ORC3: variants seen among roughly 807,000 people sequenced by gnomAD.
The protein encoded by ORC3 is origin recognition complex subunit 3.
ORC3 carries 78 observed loss-of-function variants against 100.7 expected under a neutral mutation model. The ratio of observed to expected loss-of-function variants is 0.77; its 90% CI spans 0.65 to 0.94. ORC3 has a LOEUF of 0.94. Ranked by LOEUF, ORC3 falls within the 40% of genes least tolerant of loss-of-function variation. The probability of loss-of-function intolerance (pLI) is 0.00; values close to 1 mark genes in which losing one functional copy is unlikely to be tolerated. For missense variants in ORC3, 789 were observed against 823.9 expected, an observed-to-expected ratio of 0.96 and a Z score of 0.52; for synonymous variants, 295 against 289.3, an observed-to-expected ratio of 1.02 and a Z score of -0.20.
At chr6:87,608,907 T>G (rs1181544603) in intron 6 of ORC3, among the ~76,000 whole-genome samples, 189 bp from the exon 7 acceptor site, 1 of 152,198 alleles carries the variant, frequency 6.6e-6, no homozygotes, top group Non-Finnish European at 1.5e-5. Flanking sequence ...CTTTTTCTTC[T>G]TGGTTATTAT....
At chr6:87,634,120 A>C (rs1756192018) in intron 11 of ORC3, among the ~76,000 whole-genome samples, 1 of 152,178 alleles carries the variant, frequency 6.6e-6, no homozygotes, top group African/African-American at 2.4e-5. Flanking sequence ...TGCTGGGATT[A>C]CAGGCGTGAG....
intron 1 of ORC3, among the ~76,000 whole-genome samples, chr6:87,590,650 A>T (rs527643266): frequency 6.6e-6 from 1 of 152,140 alleles, no homozygotes; most frequent in Non-Finnish European, 1.5e-5. Flanking sequence ...GGAAGAACCT[A>T]ATATAGGTTG....
downstream of ORC3, among the ~76,000 whole-genome samples, chr6:87,670,217 G>A (rs1262698266): frequency 6.6e-6 from 1 of 152,072 alleles, no homozygotes; most frequent in Non-Finnish European, 1.5e-5. Flanking sequence ...GTCACCCAGA[G>A]TGCAGTGACA....
Position 87,601,828 on chromosome 6 carries a change from C to A in ORC3, c.124C>A (p.Leu42Ile). The A allele has an allele frequency of 6.2e-7, 1 of 1,611,790 alleles. No homozygotes were observed. The highest frequency in any genetic ancestry group is 8.5e-7 in the Non-Finnish European group (1 of 1,177,886). The change falls in exon 3 of 20, where the codon CTT (leucine) becomes ATT (isoleucine). Residue 42 changes from leucine (L) to isoleucine (I), a missense_variant. Leu to Ile is a conservative substitution (Grantham distance 5). Around this residue, in one of 3 missense-constraint regions of ORC3, gnomAD observed 399 missense variants for 382.0 expected, o/e 1.04. Transcript: ENST00000392844. Reference sequence around the variant, plus strand: ...GAAAAATGAGCCTGAGGACAGTAAGCTTCGATTCGAAACTTATCAGTTGAT... The same window carrying A: ...GAAAAATGAGCCTGAGGACAGTAAGATTCGATTCGAAACTTATCAGTTGAT... Reference protein sequence around the residue: ...KGKNEPEDSKLRFETYQLIWQ... With the variant: ...KGKNEPEDSKIRFETYQLIWQ...
intron 17 of ORC3, among the ~76,000 whole-genome samples, chr6:87,664,074 A>G (rs1047747543): frequency 6.6e-6 from 1 of 152,194 alleles, no homozygotes; most frequent in African/African-American, 2.4e-5. Flanking sequence ...CATAAATTAA[A>G]ACTTACAAAA....
chr6:87,674,902 C>T, the ORC3 span, among the ~76,000 whole-genome samples: 2 of 151,706 alleles, frequency 1.3e-5, no homozygotes, highest in African/African-American at 4.8e-5. Flanking sequence ...CTAACCCCAT[C>T]TGTACATTAA....
intron 4 of ORC3, among the ~76,000 whole-genome samples, chr6:87,604,343 G>A (rs1195803415): frequency 1.3e-5 from 2 of 152,182 alleles, no homozygotes; most frequent in East Asian, 3.8e-4. Flanking sequence ...AATGGGTCTA[G>A]GGTGGGGCCT....
At chr6:87,600,767 A>G (rs1777837672) in intron 2 of ORC3, among the ~76,000 whole-genome samples, 1 of 151,362 alleles carries the variant, frequency 6.6e-6, no homozygotes, top group Non-Finnish European at 1.5e-5. Flanking sequence ...GTCATAATTT[A>G]TGTGTGAGTT....
intron 11 of ORC3, among the ~76,000 whole-genome samples, chr6:87,632,922 C>T (rs1198598817): frequency 6.6e-6 from 1 of 152,158 alleles, no homozygotes; most frequent in Non-Finnish European, 1.5e-5. Context: ...CACAGGGATG[C>T]ACCACACAGT....
At position 87,634,903 on chromosome 6, in the gene ORC3, T is replaced by C; in HGVS notation, c.1244T>C (p.Val415Ala). ...LHVYHMNYFL[V>A]LRCLHKFTSS... is the part of the protein sequence containing the mutation. ...GTTTATCATATGAATTACTTCCTGG[T>C]TTTGAGATGTCTTCATAAGTTCACC... The change falls in exon 12 of 20, where the codon GTT becomes GCT. Residue 415 changes from valine to alanine, a missense_variant. Transcript: ENST00000392844. The C allele has an allele frequency of 6.2e-7, 1 of 1,608,498 alleles. No homozygotes were observed. Among genetic ancestry groups the C allele is most frequent in the Non-Finnish European group, 8.5e-7 (1 of 1,175,018 alleles).
intron 7 of ORC3, 105 bp downstream of exon 7, chr6:87,609,334 A>G (rs1778578909): frequency 2.7e-6 from 2 of 742,444 alleles, no homozygotes; most frequent in African/African-American, 1.8e-5. Flanking sequence ...CTGGATAAAA[A>G]TCAAAGTATT....
At chr6:87,662,944 T>C in intron 16 of ORC3, 59 bp from the exon 17 acceptor site, 1 of 1,160,034 alleles carries the variant, frequency 8.6e-7, no homozygotes, top group Non-Finnish European at 1.2e-6. Flanking sequence ...ATATATATTA[T>C]ATATAAAGAA....
At chr6:87,646,043 G>A (rs1248798542) in intron 13 of ORC3, among the ~76,000 whole-genome samples, 1 of 144,340 alleles carries the variant, frequency 6.9e-6, no homozygotes, top group African/African-American at 2.6e-5. Flanking sequence ...CTGGAGTGCA[G>A]TGGCATGATC....
At chr6:87,603,949 AT>A (rs1778155855) in intron 4 of ORC3, among the ~76,000 whole-genome samples, 2 of 152,258 alleles carry the variant, frequency 1.3e-5, no homozygotes, top group South Asian at 4.1e-4. Context: ...TTTCCTGTGC[AT>A]AGTTTTTCCA....
At chr6:87,644,522 G>A (rs1054803254) in intron 13 of ORC3, among the ~76,000 whole-genome samples, 1 of 152,026 alleles carries the variant, frequency 6.6e-6, no homozygotes, top group Admixed American at 6.5e-5. Flanking sequence ...CCAACATAGT[G>A]AAACCCTGTC....
chr6:87,663,381 C>T (rs1770356744), intron 17 of ORC3, among the ~76,000 whole-genome samples: 1 of 152,146 alleles, frequency 6.6e-6, no homozygotes, highest in Non-Finnish European at 1.5e-5. Context: ...AATCTTTGCC[C>T]TTCACATGCT....
Position 87,594,343 on chromosome 6 carries a change from C to G in ORC3, c.25-10C>G, listed in dbSNP as rs748633742. On this transcript the variant is annotated splice_polypyrimidine_tract_variant and intron_variant, in intron 1 of 19. Coordinates refer to ENST00000392844, the MANE Select transcript of ORC3 (RefSeq NM_012381.4). ...CTTTGACTTTATGCTTTTCGTCTTT[C>G]TTTTTATAGGGTTGCTTTGTTTTTA... The G allele has an allele frequency of 6.4e-7, 1 of 1,569,440 alleles. No individual in the cohort carries two copies. The highest frequency in any genetic ancestry group is 8.7e-7 in the Non-Finnish European group (1 of 1,150,112).
At position 87,658,022 on chromosome 6, in the gene ORC3, A is replaced by G. The variant is rs953552161; in HGVS notation, c.1691+4A>G. ...ACTTCATTGACTGTCTAGTGAGGTA[A>G]GTCTAAATTTAGCTCTTAAGAGCTA... On this transcript the variant is annotated splice_donor_region_variant and intron_variant, in intron 16 of 19. Coordinates refer to ENST00000392844, the MANE Select transcript of ORC3 (RefSeq NM_012381.4). 8.5e-6 allele frequency: 13 copies of G among 1,535,120 alleles called. No individual in the cohort carries two copies. The highest frequency in any genetic ancestry group is 1.2e-5 in the Non-Finnish European group (13 of 1,109,500).
At chr6:87,598,142 G>A (rs114044846) in intron 2 of ORC3, among the ~76,000 whole-genome samples, 1 of 152,098 alleles carries the variant, frequency 6.6e-6, no homozygotes, top group Non-Finnish European at 1.5e-5. Context: ...GAATCCTCCT[G>A]CCTTAGCCTC....
Sources: allele counts gnomAD v4.1 joint callset (sites outside exome capture counted in the v4.1 genomes callset), GRCh38; gene constraint gnomAD v4.1.1; regional missense constraint gnomAD v4.1.1; transcripts MANE v1.5; gene names NCBI Gene and HGNC (gene_info 2026-07-23, HGNC 2026-07-21).